The following TMEM232 variants were observed in gnomAD, a reference collection of about 807,000 sequenced individuals.
TMEM232 encodes transmembrane protein 232.
TMEM232 carries 80 observed loss-of-function variants against 78.8 expected under a neutral mutation model. That is an observed-to-expected ratio of 1.01 (90% CI 0.85 to 1.22). The LOEUF (loss-of-function observed/expected upper bound fraction) is 1.22. TMEM232 is among the 50% of genes most tolerant of loss of function. TMEM232 has a pLI of 0.00. For missense variants in TMEM232, 881 were observed against 742.2 expected (o/e 1.19, Z -2.17); for synonymous variants, 297 against 254.3 (o/e 1.17, Z -1.60).
intron 1 of TMEM232, among the ~76,000 whole-genome samples, chr5:110,698,225 G>C (rs980720460): frequency 4.0e-5 from 6 of 151,672 alleles, no homozygotes; most frequent in Admixed American, 1.3e-4. Context: ...TCATAGGTGG[G>C]AATGGAACAA....
intron 10 of TMEM232, 44 bp downstream of exon 10, chr5:110,605,065 C>T: frequency 6.8e-7 from 1 of 1,468,886 alleles, no homozygotes; most frequent in East Asian, 2.5e-5. Context: ...TAGACAGTGA[C>T]ACTTAAAAAT....
intron 12 of TMEM232, among the ~76,000 whole-genome samples, chr5:110,454,277 A>G (rs1038306710): frequency 2.0e-5 from 3 of 152,194 alleles, no homozygotes; most frequent in African/African-American, 7.2e-5. Context: ...TAACAAATTT[A>G]AACAAATAAA....
chr5:110,443,816 C>A (rs533625989), intron 12 of TMEM232, among the ~76,000 whole-genome samples: 1 of 152,266 alleles, frequency 6.6e-6, no homozygotes, highest in African/African-American at 2.4e-5. Context: ...CCTGCCAGGA[C>A]TGGGTCCTTC....
At chr5:110,616,462 G>C (rs1023131258) in intron 8 of TMEM232, among the ~76,000 whole-genome samples, 1 of 151,846 alleles carries the variant, frequency 6.6e-6, no homozygotes, top group African/African-American at 2.4e-5. Context: ...CATTAACAAA[G>C]TAAAGAGACA....
intron 12 of TMEM232, among the ~76,000 whole-genome samples, chr5:110,500,505 T>G (rs1344151604): frequency 6.6e-6 from 1 of 152,010 alleles, no homozygotes; most frequent in Non-Finnish European, 1.5e-5. Flanking sequence ...TTTACTGAGT[T>G]ATGATAAAAA....
chr5:110,404,486 T>C (rs919109182), intron 2 of TMEM232, among the ~76,000 whole-genome samples: 1 of 152,120 alleles, frequency 6.6e-6, no homozygotes, highest in Non-Finnish European at 1.5e-5. Context: ...AAAAGTGTTT[T>C]AGTTTATTCA....
intron 12 of TMEM232, among the ~76,000 whole-genome samples, chr5:110,514,841 G>T (rs1435182259): frequency 6.6e-6 from 1 of 152,160 alleles, no homozygotes; most frequent in African/African-American, 2.4e-5. Context: ...TTACTAGAAA[G>T]TGACTCTTCT....
At chr5:110,693,631 C>T (rs980751719) in intron 1 of TMEM232, among the ~76,000 whole-genome samples, 25 of 152,238 alleles carry the variant, frequency 1.6e-4, no homozygotes, top group Non-Finnish European at 3.1e-4. Context: ...AGCTGAAAAC[C>T]ACGGCACAAC....
chr5:110,464,751 T>C (rs180810336), intron 12 of TMEM232, among the ~76,000 whole-genome samples: 36 of 152,284 alleles, frequency 2.4e-4, no homozygotes, highest in African/African-American at 8.2e-4. Context: ...CGAATCACCA[T>C]AGCATTTGGA....
At chr5:110,463,356 T>C (rs914328051) in intron 12 of TMEM232, among the ~76,000 whole-genome samples, 1 of 152,240 alleles carries the variant, frequency 6.6e-6, no homozygotes, top group African/African-American at 2.4e-5. Context: ...CATAATGTTA[T>C]TGCATGCTTC....
intron 2 of TMEM232, among the ~76,000 whole-genome samples, chr5:110,659,794 G>C (rs1454685754): frequency 1.3e-5 from 2 of 152,198 alleles, no homozygotes; most frequent in South Asian, 2.1e-4. Flanking sequence ...TTAATTCAAT[G>C]GATACATTTG....
At chr5:110,426,810 G>A (rs1241173311) in intron 12 of TMEM232, among the ~76,000 whole-genome samples, 1 of 152,012 alleles carries the variant, frequency 6.6e-6, no homozygotes, top group African/African-American at 2.4e-5. Flanking sequence ...TTCATTCAGT[G>A]AAATTTGGGC....
At chr5:110,437,765 T>C (rs568883039) in intron 12 of TMEM232, among the ~76,000 whole-genome samples, 20 of 152,204 alleles carry the variant, frequency 1.3e-4, no homozygotes, top group African/African-American at 4.8e-4. Flanking sequence ...AAAGGCACTT[T>C]TGTATAGGTA....
intron 10 of TMEM232, among the ~76,000 whole-genome samples, chr5:110,603,416 T>C (rs1279915380): frequency 6.6e-6 from 1 of 152,126 alleles, no homozygotes; most frequent in African/African-American, 2.4e-5. Context: ...CAGGGGGTCA[T>C]GACCAAAGGG....
chr5:110,419,327 A>C (rs767699765), downstream of TMEM232, among the ~76,000 whole-genome samples: 1 of 152,186 alleles, frequency 6.6e-6, no homozygotes, highest in Non-Finnish European at 1.5e-5. Flanking sequence ...TGAATTAGCT[A>C]TACAGGAAAT....
chr5:110,524,413 AAGAAAAGAAAAGAAAAG>A (rs1770207149), intron 12 of TMEM232, among the ~76,000 whole-genome samples: 1 of 65,900 alleles, frequency 1.5e-5, no homozygotes, highest in South Asian at 5.0e-4. Flanking sequence ...GAAAGAAAGA[AAGAAAAGAAAAGAAAAG>A]AAAAGAAAAG....
intron 1 of TMEM232, among the ~76,000 whole-genome samples, chr5:110,717,384 C>G (rs929081258): frequency 6.6e-6 from 1 of 152,082 alleles, no homozygotes; most frequent in African/African-American, 2.4e-5. Context: ...TGGACCCATG[C>G]TGATTTGACA....
intron 8 of TMEM232, among the ~76,000 whole-genome samples, chr5:110,613,376 G>C (rs1388853075): frequency 1.3e-5 from 2 of 152,124 alleles, no homozygotes; most frequent in Admixed American, 6.6e-5. Context: ...ATGGGCACAA[G>C]CACAAGCCAT....
At chr5:110,583,251 C>T (rs1267653239) in intron 10 of TMEM232, among the ~76,000 whole-genome samples, 2 of 151,892 alleles carry the variant, frequency 1.3e-5, no homozygotes, top group Non-Finnish European at 2.9e-5. Flanking sequence ...TCAAAGTATA[C>T]TTCAAGGCTA....
Sources: allele counts gnomAD v4.1 joint callset (sites outside exome capture counted in the v4.1 genomes callset), GRCh38; gene constraint gnomAD v4.1.1; transcripts MANE v1.5; gene names NCBI Gene and HGNC (gene_info 2026-07-23, HGNC 2026-07-21).